The following RIMS1 variants were observed in gnomAD, a reference collection of about 807,000 sequenced individuals.
The protein encoded by RIMS1 is regulating synaptic membrane exocytosis 1.
RIMS1 carries 83 observed loss-of-function variants against 214.1 expected under a neutral mutation model. The ratio of observed to expected loss-of-function variants is 0.39; its 90% CI spans 0.32 to 0.47. The LOEUF (loss-of-function observed/expected upper bound fraction) is 0.47. RIMS1 is among the 20% of genes least tolerant of loss of function. The pLI is 0.99. For missense variants in RIMS1, 2,050 were observed against 2,161.8 expected (o/e 0.95, Z 1.03); for synonymous variants, 793 against 786.8 (o/e 1.01, Z -0.13).
chr6:72,335,218 A>G (rs1353274596), intron 29 of RIMS1, among the ~76,000 whole-genome samples: 3 of 151,826 alleles, frequency 2.0e-5, no homozygotes, highest in African/African-American at 7.2e-5. Flanking sequence ...TATTTCTGCT[A>G]TCCCTCCCCT....
At chr6:72,209,578 T>C (rs1045809462) in intron 6 of RIMS1, among the ~76,000 whole-genome samples, 1 of 152,190 alleles carries the variant, frequency 6.6e-6, no homozygotes, top group Non-Finnish European at 1.5e-5. Flanking sequence ...AGTTGGACTT[T>C]GTCTTGAAAT....
At chr6:72,360,448 G>T (rs1474597519) in intron 29 of RIMS1, among the ~76,000 whole-genome samples, 3 of 152,088 alleles carry the variant, frequency 2.0e-5, no homozygotes, top group Non-Finnish European at 4.4e-5. Flanking sequence ...GTGAGAAAAT[G>T]CCAAAGGGTC....
intron 2 of RIMS1, among the ~76,000 whole-genome samples, chr6:72,060,844 A>G (rs554546264): frequency 6.6e-6 from 1 of 152,354 alleles, no homozygotes; most frequent in South Asian, 2.1e-4. Flanking sequence ...ACTACTGGAC[A>G]GGGTCTAAAT....
intron 1 of RIMS1, among the ~76,000 whole-genome samples, chr6:71,907,284 A>G (rs1297766780): frequency 1.3e-5 from 2 of 152,152 alleles, no homozygotes; most frequent in Non-Finnish European, 2.9e-5. Context: ...CATTATTCAT[A>G]TGGTCTGTCT....
At chr6:71,933,718 A>AC (rs1562225141) in intron 1 of RIMS1, among the ~76,000 whole-genome samples, 9 of 150,452 alleles carry the variant, frequency 6.0e-5, no homozygotes, top group East Asian at 2.0e-4. Flanking sequence ...ACACACACAC[A>AC]AGTTGTATTA....
intron 1 of RIMS1, among the ~76,000 whole-genome samples, chr6:71,942,311 C>T (rs1786407638): frequency 6.6e-6 from 1 of 152,086 alleles, no homozygotes; most frequent in African/African-American, 2.4e-5. Flanking sequence ...TTAAATCCTC[C>T]CTTGACTAGA....
intron 2 of RIMS1, among the ~76,000 whole-genome samples, chr6:72,080,751 C>T (rs72934858): frequency 0.061 from 9,273 of 152,276 alleles, 360 homozygotes; most frequent in Middle Eastern, 0.1. Flanking sequence ...GCATCCTCTG[C>T]CAAGCCCCTC....
chr6:71,902,686 G>C (rs745926063), intron 1 of RIMS1, among the ~76,000 whole-genome samples: 2 of 151,748 alleles, frequency 1.3e-5, no homozygotes, highest in African/African-American at 2.4e-5. Context: ...TCCCTCCCCT[G>C]CCCCCGACAG....
At chr6:72,341,367 T>C (rs2097086096) in intron 29 of RIMS1, among the ~76,000 whole-genome samples, 3 of 151,782 alleles carry the variant, frequency 2.0e-5, no homozygotes, top group Admixed American at 6.6e-5. Context: ...GTGTGGAATC[T>C]AAAACTATAT....
Position 72,388,240 on chromosome 6 carries a change from G to T in RIMS1, c.4367-2358G>T, listed in dbSNP as rs574995359. Among the ~76,000 whole-genome samples, 4 of 152,314 alleles carry T rather than the reference G, an allele frequency of 2.6e-5. No homozygotes were observed. In the South Asian group the frequency reaches 8.3e-4, roughly 32 times the overall value. On this transcript the variant is annotated intron_variant, in intron 29 of 33. Transcript: ENST00000521978. The stretch of plus-strand genomic sequence containing the variant: ...TGAGGAGACAGCCTGTCTTGAAGCA[G>T]AAATCTGAATAAGGAGCAAGGCAAG...
intron 6 of RIMS1, among the ~76,000 whole-genome samples, chr6:72,205,729 A>C (rs547187454): frequency 9.9e-5 from 15 of 152,186 alleles, no homozygotes; most frequent in Non-Finnish European, 2.2e-4. Flanking sequence ...GTATCTTGGC[A>C]TAATAAATAC....
At chr6:72,352,392 A>T (rs1270084845) in intron 29 of RIMS1, among the ~76,000 whole-genome samples, 1 of 152,192 alleles carries the variant, frequency 6.6e-6, no homozygotes, top group African/African-American at 2.4e-5. Flanking sequence ...CAGAAAGATT[A>T]ATTTGCCCAG....
Position 72,252,821 on chromosome 6 carries a change from T to A in RIMS1, c.2759T>A (p.Val920Glu), listed in dbSNP as rs1029397988. The A allele has an allele frequency of 6.4e-7, 1 of 1,555,534 alleles. No individual in the cohort carries two copies. Among genetic ancestry groups the A allele is most frequent in the Non-Finnish European group, 8.7e-7 (1 of 1,148,622 alleles). The change falls in exon 16 of 34, where the codon GTA (valine) becomes GAA (glutamate). Residue 920 changes from valine to glutamate, a missense_variant. Coordinates refer to ENST00000521978, the MANE Select transcript of RIMS1 (RefSeq NM_014989.7). Reference sequence around the variant, plus strand: ...TATGAGGTTGATGATGGTATTGGCGTAGTTCCTCCAGGTGCGTGGGTGAGG... The same window carrying A: ...TATGAGGTTGATGATGGTATTGGCGAAGTTCCTCCAGGTGCGTGGGTGAGG... ...SDYEVDDGIGVVPPVGYRSSA... is the reference protein window; with the variant it reads ...SDYEVDDGIGEVPPVGYRSSA...
chr6:71,951,030 T>G (rs1789325021), intron 1 of RIMS1, among the ~76,000 whole-genome samples: 1 of 152,186 alleles, frequency 6.6e-6, no homozygotes, highest in African/African-American at 2.4e-5. Context: ...TTTAAATTCT[T>G]TCTTAAAATC....
intron 4 of RIMS1, among the ~76,000 whole-genome samples, chr6:72,125,736 A>T (rs376823885): frequency 1.3e-5 from 2 of 152,270 alleles, no homozygotes; most frequent in South Asian, 4.1e-4. Context: ...TCGCAGTTGG[A>T]TCTCAGACTG....
intron 16 of RIMS1, 26 bp from the exon 17 acceptor site, chr6:72,258,099 A>T (rs1259056301): frequency 6.2e-7 from 1 of 1,604,564 alleles, no homozygotes. Context: ...TACTGACTAA[A>T]TTTTTTCTGT....
chr6:72,070,052 C>A (rs1022970162), intron 2 of RIMS1, among the ~76,000 whole-genome samples: 5 of 152,102 alleles, frequency 3.3e-5, no homozygotes, highest in Admixed American at 3.3e-4. Flanking sequence ...CCCAATTTTT[C>A]CTTTAATACC....
intron 2 of RIMS1, among the ~76,000 whole-genome samples, chr6:72,078,505 T>C (rs1832467315): frequency 6.6e-6 from 1 of 152,112 alleles, no homozygotes; most frequent in African/African-American, 2.4e-5. Context: ...TACTTATCCT[T>C]ACAAAACTGG....
chr6:72,302,230 C>T (rs1416522983), intron 26 of RIMS1, among the ~76,000 whole-genome samples: 3 of 151,394 alleles, frequency 2.0e-5, no homozygotes, highest in African/African-American at 4.8e-5. Context: ...TACTATTTTG[C>T]CACATTGATT....
Sources: allele counts gnomAD v4.1 joint callset (sites outside exome capture counted in the v4.1 genomes callset), GRCh38; gene constraint gnomAD v4.1.1; transcripts MANE v1.5; gene names NCBI Gene and HGNC (gene_info 2026-07-23, HGNC 2026-07-21).